Variants in UNKL observed in about 807,000 individuals in gnomAD.
UNKL encodes the protein unk like zinc finger.
A neutral mutation model predicts 78.0 loss-of-function variants in UNKL; 60 were observed. The observed-to-expected ratio is 0.77, with a 90% confidence interval of 0.63 to 0.95. The LOEUF (loss-of-function observed/expected upper bound fraction) is 0.95. UNKL is among the 40% of genes least tolerant of loss of function. UNKL has a pLI of 0.00. For missense variants in UNKL, 1,159 were observed against 1,045.7 expected, an observed-to-expected ratio of 1.11 and a Z score of -1.49; for synonymous variants, 608 against 474.8, an observed-to-expected ratio of 1.28 and a Z score of -3.65.
Position 1,363,448 on chromosome 16 carries a change from C to CTA in UNKL, c.*2791_*2792insTA. The CTA allele has an allele frequency of 2.9e-6, 1 of 345,762 alleles. No homozygotes were observed. The highest frequency in any genetic ancestry group is 5.6e-6 in the Non-Finnish European group (1 of 177,874). 21.4% of individuals were successfully genotyped at this position (345,762 alleles called of 1,614,324 possible). A position where few individuals can be genotyped will look rare whatever the true frequency, so the allele number is the denominator to read the frequency against. ...CCAGAAATTAATCCACTTGAGGCGT[C>CTA]CACGCGGAACAAGGTCTGCTGACCA... On this transcript the variant is annotated 3_prime_UTR_variant, in exon 15 of 15. Coordinates refer to ENST00000389221, the MANE Select transcript of UNKL (RefSeq NM_001372107.1).
chr16:1,374,151 A>G lies in UNKL; in HGVS notation c.1265-2540T>C, dbSNP rs111242246. Among the ~76,000 whole-genome samples the G allele has an allele frequency of 1.2e-3, 146 of 124,332 alleles. 1 individual carries two copies. The highest frequency in any genetic ancestry group is 4.6e-3 in the Middle Eastern group (1 of 218). The allele number at this position is 124,332 out of a possible 152,430, so 81.6% of individuals were successfully genotyped here. On this transcript the variant is annotated intron_variant, in intron 10 of 14. Coordinates refer to ENST00000389221, the MANE Select transcript of UNKL (RefSeq NM_001372107.1). ...AGACCTCAGCAGCGTGGGGCACACC[A>G]CACAGGGACTGCCGGCCAACACCGC... is the stretch of plus-strand genomic sequence containing the variant.
At chr16:1,395,753 A>C (rs1003941991) in intron 6 of UNKL, 2 of 456,516 alleles carry the variant, frequency 4.4e-6, no homozygotes, top group Admixed American at 2.3e-5. Context: ...TGGGGTCTGC[A>C]ACCAGGCCTG....
intron 10 of UNKL, among the ~76,000 whole-genome samples, chr16:1,372,396 C>T (rs1017991986): frequency 5.3e-5 from 8 of 152,314 alleles, no homozygotes; most frequent in South Asian, 2.1e-4. Flanking sequence ...GGGAAGGACC[C>T]GCCTCAGAGT....
Position 1,365,214 on chromosome 16 carries a change from A to C in UNKL, c.*1026T>G, listed in dbSNP as rs1282170922. On this transcript the variant is annotated 3_prime_UTR_variant, in exon 15 of 15. Transcript: ENST00000389221. Reference sequence around the variant, plus strand: ...CACCATGTTGGCCAGGCTGGTCTTGAACTCCTGACCTTAGGTGATCCACCC... The same window carrying C: ...CACCATGTTGGCCAGGCTGGTCTTGCACTCCTGACCTTAGGTGATCCACCC... 1 of 152,084 alleles carries C rather than the reference A, an allele frequency of 6.6e-6. No individual in the cohort carries two copies. Among genetic ancestry groups the C allele is most frequent in the Non-Finnish European group, 1.5e-5 (1 of 68,026 alleles). 9.4% of individuals were successfully genotyped at this position (152,084 alleles called of 1,614,324 possible). A position where few individuals can be genotyped will look rare whatever the true frequency, so the allele number is the denominator to read the frequency against.
At chr16:1,385,523 C>T (rs549202449) in intron 9 of UNKL, 138 bp from the exon 10 acceptor site, 362 of 868,760 alleles carry the variant, frequency 4.2e-4, no homozygotes, top group Non-Finnish European at 5.2e-4. Context: ...GCTTCCCAGA[C>T]CCGGAGGGAC....
intron 5 of UNKL, chr16:1,398,993 G>C: frequency 1.4e-6 from 2 of 1,475,468 alleles, no homozygotes; most frequent in Non-Finnish European, 1.8e-6. Flanking sequence ...GCCCCTGGCA[G>C]CTTGGGTGAG....
At chr16:1,367,557 G>GCCCGCCCT in intron 13 of UNKL, 99 bp downstream of exon 13, 1 of 385,792 alleles carries the variant, frequency 2.6e-6, no homozygotes, top group Non-Finnish European at 4.3e-6. Context: ...GTCACCTGCG[G>GCCCGCCCT]CCCTCCCTCC....
chr16:1,377,703 C>T (rs991189069), intron 10 of UNKL, among the ~76,000 whole-genome samples: 2 of 152,286 alleles, frequency 1.3e-5, no homozygotes, highest in Admixed American at 1.3e-4. Context: ...CACAGTGGCT[C>T]TGCAGCCCCG....
chr16:1,395,593 GCTGCCCC>G, intron 6 of UNKL: 1 of 434,690 alleles, frequency 2.3e-6, no homozygotes, highest in South Asian at 1.6e-5. Context: ...TCCATCTCAG[GCTGCCCC>G]TTCCGCCCCA....
chr16:1,372,406 T>G (rs187934037), intron 10 of UNKL, among the ~76,000 whole-genome samples: 3 of 151,872 alleles, frequency 2.0e-5, no homozygotes, highest in Non-Finnish European at 4.4e-5. Context: ...CGCCTCAGAG[T>G]GGCCTCACCC....
chr16:1,400,777 C>A (rs1270459258), intron 4 of UNKL, among the ~76,000 whole-genome samples: 1 of 152,002 alleles, frequency 6.6e-6, no homozygotes, highest in Non-Finnish European at 1.5e-5. Context: ...AACCTTCACC[C>A]CCCGAGTTCA....
chr16:1,389,209 C>G (rs1033193801), intron 9 of UNKL, among the ~76,000 whole-genome samples: 1 of 151,574 alleles, frequency 6.6e-6, no homozygotes, highest in Non-Finnish European at 1.5e-5. Context: ...CCAAACGTGT[C>G]CCCCCCAAAT....
Position 1,385,525 on chromosome 16 carries a change from C to T in UNKL, c.1087-140G>A, listed in dbSNP as rs1002382045. 15 of 851,764 alleles carry T rather than the reference C, an allele frequency of 1.8e-5. No individual in the cohort carries two copies. The African/African-American group carries it at 1.8e-4, about 10-fold the overall frequency. 52.8% of individuals were successfully genotyped at this position (851,764 alleles called of 1,614,324 possible). On this transcript the variant is annotated intron_variant, in intron 9 of 14. Transcript: ENST00000389221. ...AGGCCCAGGGAGAGCTTCCCAGACC[C>T]GGAGGGACTCTGACCGCACCGAGGA...
intron 11 of UNKL, among the ~76,000 whole-genome samples, chr16:1,371,295 G>A (rs1462199487): frequency 1.3e-5 from 2 of 152,186 alleles, no homozygotes; most frequent in African/African-American, 4.8e-5. Context: ...GGGAGGGAAA[G>A]GGAGAGGCAG....
intron 4 of UNKL, among the ~76,000 whole-genome samples, chr16:1,401,156 G>A (rs1439327091): frequency 6.6e-6 from 1 of 152,182 alleles, no homozygotes. Flanking sequence ...CCAGAGAGGC[G>A]CAGGGCTGGG....
chr16:1,378,419 A>AG (rs755685318), intron 10 of UNKL, among the ~76,000 whole-genome samples: 3 of 152,220 alleles, frequency 2.0e-5, no homozygotes, highest in Non-Finnish European at 4.4e-5. Flanking sequence ...CACACCTGGC[A>AG]GAGATCCAGA....
intron 11 of UNKL, 36 bp downstream of exon 11, chr16:1,371,483 T>C (rs931098993): frequency 2.0e-6 from 3 of 1,529,200 alleles, no homozygotes; most frequent in Admixed American, 3.9e-5. Flanking sequence ...GTTCAGCGGC[T>C]GGAGGAGCAG....
intron 2 of UNKL, among the ~76,000 whole-genome samples, chr16:1,404,170 T>C (rs909923): frequency 0.92 from 139,874 of 152,220 alleles, 64,369 homozygotes; most frequent in East Asian, 1. Context: ...TGTCGAGCCC[T>C]GGCTGGTCAC....
At chr16:1,367,002 G>A (rs1437120722) in intron 14 of UNKL, 90 bp downstream of exon 14, 3 of 1,436,728 alleles carry the variant, frequency 2.1e-6, no homozygotes, top group Non-Finnish European at 2.7e-6. Flanking sequence ...GGGGAGGAAG[G>A]GGACACCGCA....
Sources: allele counts gnomAD v4.1 joint callset (sites outside exome capture counted in the v4.1 genomes callset), GRCh38; gene constraint gnomAD v4.1.1; transcripts MANE v1.5; gene names NCBI Gene and HGNC (gene_info 2026-07-23, HGNC 2026-07-21).